The following PDE4D variants were observed in gnomAD, a reference collection of about 807,000 sequenced individuals.
The protein encoded by PDE4D is 3',5'-cyclic-AMP phosphodiesterase 4D.
A neutral mutation model predicts 87.4 loss-of-function variants in PDE4D; 24 were observed. That is an observed-to-expected ratio of 0.27 (90% CI 0.20 to 0.39). The LOEUF (loss-of-function observed/expected upper bound fraction) is 0.39, where lower values mean the gene tolerates loss of function less well. Among genes scored for constraint, PDE4D ranks in the 10% least tolerant of loss-of-function variants. The pLI, the probability that PDE4D is intolerant of heterozygous loss-of-function variation, is 1.00. For missense variants in PDE4D, 714 were observed against 1,041.0 expected (o/e 0.69, Z 4.32); for synonymous variants, 384 against 383.2 (o/e 1.00, Z -0.02).
chr5:59,979,122 G>C (rs1186664412), intron 3 of PDE4D, among the ~76,000 whole-genome samples: 1 of 151,990 alleles, frequency 6.6e-6, no homozygotes, highest in East Asian at 1.9e-4. Context: ...GGTATGTCTG[G>C]TATATACCTT....
intron 1 of PDE4D, among the ~76,000 whole-genome samples, chr5:59,320,890 G>C (rs1774602034): frequency 6.6e-6 from 1 of 151,886 alleles, no homozygotes; most frequent in African/African-American, 2.4e-5. Context: ...ATTTGTTGAA[G>C]CTTTTTGTTG....
intron 4 of PDE4D, 100 bp downstream of exon 4, chr5:59,185,089 C>T: frequency 1.2e-6 from 1 of 812,402 alleles, no homozygotes; most frequent in Non-Finnish European, 2.0e-6. Context: ...AACATGGCAA[C>T]AACACAGAGA....
At chr5:59,938,762 C>T (rs1756878775) in intron 3 of PDE4D, among the ~76,000 whole-genome samples, 1 of 152,180 alleles carries the variant, frequency 6.6e-6, no homozygotes, top group South Asian at 2.1e-4. Flanking sequence ...ATCTTTCAGC[C>T]TCGTTCAATT....
Position 59,672,098 on chromosome 5 carries a change from G to A in PDE4D, c.455+221070C>T, listed in dbSNP as rs912563206. 2.6e-4 allele frequency among the ~76,000 whole-genome samples: 39 copies of A among 152,102 alleles called. 1 individual carries two copies. Among genetic ancestry groups the A allele is most frequent in the Admixed American group, 1.3e-4 (2 of 15,262 alleles). On this transcript the variant is annotated intron_variant, in intron 1 of 14. Transcript: ENST00000340635. ...TGGAAAGTCTTCAGGCTAACGGCAG[G>A]GCTGGAGCTAAAGTTGAGGCAGAAC...
At chr5:60,474,152 C>T (rs201274448) in intron 1 of PDE4D, among the ~76,000 whole-genome samples, 50 of 30,208 alleles carry the variant, frequency 1.7e-3, no homozygotes, top group African/African-American at 8.8e-3. Context: ...ATATATATAA[C>T]AAAAACCTTA....
chr5:58,991,792 C>A (rs753261211), intron 8 of PDE4D, 40 bp downstream of exon 8: 20 of 1,268,246 alleles, frequency 1.6e-5, no homozygotes, highest in Admixed American at 8.6e-5. Flanking sequence ...GAAAGGGCAT[C>A]ATTTAATATT....
At chr5:59,159,080 G>C (rs1298741076) in intron 5 of PDE4D, among the ~76,000 whole-genome samples, 1 of 151,852 alleles carries the variant, frequency 6.6e-6, no homozygotes, top group Non-Finnish European at 1.5e-5. Context: ...TTTGCTGGAA[G>C]CCTTCATTGC....
At chr5:59,348,673 G>T in intron 1 of PDE4D, among the ~76,000 whole-genome samples, 1 of 120,002 alleles carries the variant, frequency 8.3e-6, no homozygotes, top group African/African-American at 3.2e-5. Context: ...CCTTTGAACT[G>T]TCCTTTGCAT....
chr5:60,329,633 T>A (rs1757141542), intron 1 of PDE4D, among the ~76,000 whole-genome samples: 1 of 152,202 alleles, frequency 6.6e-6, no homozygotes, highest in East Asian at 1.9e-4. Flanking sequence ...GTTTTCTATG[T>A]GATGGGATAT....
At chr5:59,403,672 G>A (rs1437984667) in intron 1 of PDE4D, among the ~76,000 whole-genome samples, 1 of 152,128 alleles carries the variant, frequency 6.6e-6, no homozygotes, top group South Asian at 2.1e-4. Flanking sequence ...GTACTCCATT[G>A]TGTATATGTA....
At chr5:59,664,025 C>T (rs929923544) in intron 1 of PDE4D, among the ~76,000 whole-genome samples, 8 of 152,094 alleles carry the variant, frequency 5.3e-5, no homozygotes, top group African/African-American at 1.9e-4. Flanking sequence ...TTTTAAAAAG[C>T]TCTTCCTTCA....
At chr5:60,165,002 TC>T (rs953328835) in intron 2 of PDE4D, among the ~76,000 whole-genome samples, 17 of 152,262 alleles carry the variant, frequency 1.1e-4, no homozygotes, top group African/African-American at 4.1e-4. Flanking sequence ...ATTCCTCCTA[TC>T]TAAAATTTTG....
intron 1 of PDE4D, among the ~76,000 whole-genome samples, chr5:60,465,431 G>C (rs1374812029): frequency 6.6e-6 from 1 of 152,092 alleles, no homozygotes; most frequent in Non-Finnish European, 1.5e-5. Context: ...ACATGAAATA[G>C]CTTGAAACAA....
At position 60,091,480 on chromosome 5, in the gene PDE4D, A is replaced by T. The variant is rs79447624; in HGVS notation, c.42+94077T>A. On this transcript the variant is annotated intron_variant, in intron 2 of 16. Coordinates refer to the PDE4D transcript ENST00000502484. The stretch of plus-strand genomic sequence containing the variant: ...AATGGTAATTATCAAAAAGACAAAA[A>T]ATAAACAATGCTTTCAAGGATGTAG... Among the ~76,000 whole-genome samples the T allele has an allele frequency of 5.8e-3, 888 of 152,304 alleles. 11 individuals are homozygous for T. The highest frequency in any genetic ancestry group is 0.021 in the African/African-American group (854 of 41,572).
chr5:59,193,680 T>C, intron 2 of PDE4D, 144 bp from the exon 3 acceptor site: 1 of 1,453,686 alleles, frequency 6.9e-7, no homozygotes, highest in Non-Finnish European at 9.0e-7. Context: ...CACATGTTCT[T>C]CCCAGCAACT....
intron 2 of PDE4D, among the ~76,000 whole-genome samples, chr5:60,073,983 A>G (rs554851836): frequency 6.6e-6 from 1 of 152,020 alleles, no homozygotes; most frequent in Non-Finnish European, 1.5e-5. Context: ...CAGCCCCTGG[A>G]TACATTGATC....
chr5:59,335,143 T>C (rs1777445033), intron 1 of PDE4D, among the ~76,000 whole-genome samples: 1 of 152,182 alleles, frequency 6.6e-6, no homozygotes, highest in South Asian at 2.1e-4. Context: ...TCGCTATTCC[T>C]TTGGAAGGCT....
At chr5:59,592,004 T>C (rs1450799454) in intron 1 of PDE4D, 3 of 252,430 alleles carry the variant, frequency 1.2e-5, no homozygotes, top group East Asian at 3.5e-4. Context: ...ATTTTTTTCT[T>C]TTTATTGCAT....
intron 1 of PDE4D, among the ~76,000 whole-genome samples, chr5:59,791,355 G>A (rs1220060127): frequency 6.6e-6 from 1 of 152,238 alleles, no homozygotes; most frequent in Non-Finnish European, 1.5e-5. Flanking sequence ...TCACGGCGCT[G>A]AGAGCAACAC....
Sources: gnomAD v4.1 joint callset for allele counts (sites outside exome capture counted in the v4.1 genomes callset) on GRCh38, gnomAD v4.1.1 for gene constraint, MANE v1.5 for transcripts, NCBI Gene and HGNC (gene_info 2026-07-23, HGNC 2026-07-21) for gene names.